The following DCC variants were observed in gnomAD, a reference collection of about 807,000 sequenced individuals.
The protein encoded by DCC is DCC netrin 1 receptor, also known as netrin receptor DCC.
DCC carries 58 observed loss-of-function variants against 172.5 expected under a neutral mutation model. The ratio of observed to expected loss-of-function variants is 0.34; its 90% CI spans 0.27 to 0.42. The LOEUF (loss-of-function observed/expected upper bound fraction) is 0.42, where lower values mean the gene tolerates loss of function less well. DCC is among the 10% of genes least tolerant of loss of function. The probability of loss-of-function intolerance (pLI) is 1.00; values close to 1 mark genes in which losing one functional copy is unlikely to be tolerated. For missense variants in DCC, 1,740 were observed against 1,791.0 expected, an observed-to-expected ratio of 0.97 and a Z score of 0.51; for synonymous variants, 709 against 644.5, an observed-to-expected ratio of 1.10 and a Z score of -1.52.
At chr18:52,655,956 A>ATGTGTG (rs58903211) in intron 1 of DCC, among the ~76,000 whole-genome samples, 34 of 135,420 alleles carry the variant, frequency 2.5e-4, no homozygotes, top group African/African-American at 9.2e-4. Flanking sequence ...TTAAATATAT[A>ATGTGTG]TGTGTGTGTG....
chr18:53,222,854 A>C (rs569007869), intron 12 of DCC, among the ~76,000 whole-genome samples: 2 of 152,282 alleles, frequency 1.3e-5, no homozygotes, highest in Admixed American at 6.5e-5. Flanking sequence ...AGCCTTTAAA[A>C]CTCTGTCAAA....
chr18:53,339,762 T>G lies in DCC; in HGVS notation c.2214T>G (p.Thr738=), dbSNP rs771958902. Residue 738 remains threonine, a synonymous_variant, in exon 15 of 29, where the codon ACT becomes ACG. Coordinates refer to ENST00000442544, the MANE Select transcript of DCC (RefSeq NM_005215.4). ...QPSSLHVRPQ[T]NCIIMSWTPP... is the part of the protein sequence containing the mutation. ...GCTCTCTTCATGTGAGGCCCCAGAC[T>G]AACTGCATCATCATGAGTTGGACTC... 1.9e-6 allele frequency: 3 copies of G among 1,613,898 alleles called. No homozygotes were observed. In the African/African-American group the frequency reaches 4.0e-5, roughly 22 times the overall value.
intron 2 of DCC, among the ~76,000 whole-genome samples, chr18:52,803,972 CA>C (rs1395378051): frequency 6.6e-6 from 1 of 152,138 alleles, no homozygotes; most frequent in Non-Finnish European, 1.5e-5. Flanking sequence ...AGTCCTTGGG[CA>C]CCAGCATGGT....
At chr18:52,999,356 C>T (rs977107335) in intron 5 of DCC, among the ~76,000 whole-genome samples, 9 of 151,962 alleles carry the variant, frequency 5.9e-5, no homozygotes, top group Admixed American at 2.0e-4. Flanking sequence ...CAAAAATGCT[C>T]TTTTTTATAC....
intron 26 of DCC, among the ~76,000 whole-genome samples, chr18:53,494,733 C>T (rs528706368): frequency 6.6e-6 from 1 of 152,292 alleles, no homozygotes; most frequent in African/African-American, 2.4e-5. Context: ...CTCCTGAATA[C>T]AGCACACTGA....
intron 2 of DCC, among the ~76,000 whole-genome samples, chr18:52,886,499 C>T (rs1026468900): frequency 2.6e-5 from 4 of 152,216 alleles, no homozygotes; most frequent in Admixed American, 2.6e-4. Context: ...CACAATTGCA[C>T]AGACTCTCTC....
In DCC at chr18:52,832,007, T is replaced by A. The variant is rs113225724; in HGVS notation, c.413-74037T>A. ...CCCTTAAACACCTCAGAATTCAGCT[T>A]CGTACCTTCTTCTACATCAGTAAAG... On this transcript the variant is annotated intron_variant, in intron 2 of 28. Transcript: ENST00000442544. Among the ~76,000 whole-genome samples the A allele has an allele frequency of 2.2e-3, 332 of 152,314 alleles. 2 individuals are homozygous for A. Among genetic ancestry groups the A allele is most frequent in the African/African-American group, 7.6e-3 (316 of 41,538 alleles).
At chr18:53,235,431 T>C (rs2056187150) in intron 12 of DCC, among the ~76,000 whole-genome samples, 1 of 152,158 alleles carries the variant, frequency 6.6e-6, no homozygotes, top group Non-Finnish European at 1.5e-5. Flanking sequence ...AAAGAACTCC[T>C]AGAAAAATAA....
At chr18:52,927,145 ATGTG>A (rs376302174) in intron 5 of DCC, among the ~76,000 whole-genome samples, 4 of 74,558 alleles carry the variant, frequency 5.4e-5, no homozygotes, top group Non-Finnish European at 9.3e-5. Flanking sequence ...ACGTGTATAT[ATGTG>A]TATATATACG....
chr18:52,801,068 A>G (rs544662832), intron 2 of DCC, among the ~76,000 whole-genome samples: 127 of 152,254 alleles, frequency 8.3e-4, no homozygotes, highest in Non-Finnish European at 1.1e-3. Flanking sequence ...TCCAAGAGTG[A>G]GAGTCTCAGT....
intron 5 of DCC, among the ~76,000 whole-genome samples, chr18:53,009,567 T>G (rs1467551684): frequency 4.4e-5 from 6 of 137,164 alleles, no homozygotes; most frequent in Non-Finnish European, 4.6e-5. Context: ...TTAGGTGACT[T>G]TTTTTTTAGG....
At chr18:52,612,209 G>A (rs2034289303) in intron 1 of DCC, among the ~76,000 whole-genome samples, 1 of 152,106 alleles carries the variant, frequency 6.6e-6, no homozygotes, top group South Asian at 2.1e-4. Flanking sequence ...CTGCTCTAGT[G>A]TCTTTGGCTC....
chr18:52,569,093 A>G (rs2033232807), intron 1 of DCC, among the ~76,000 whole-genome samples: 1 of 152,222 alleles, frequency 6.6e-6, no homozygotes, highest in Admixed American at 6.5e-5. Flanking sequence ...CTGTGTAATA[A>G]CAAGATAGAT....
chr18:52,790,240 A>C (rs1482670384), intron 2 of DCC, among the ~76,000 whole-genome samples: 1 of 152,150 alleles, frequency 6.6e-6, no homozygotes, highest in Admixed American at 6.5e-5. Flanking sequence ...GGCTGGCATG[A>C]ACAGGAGGCT....
chr18:52,754,949 G>A (rs2037056272), intron 2 of DCC, among the ~76,000 whole-genome samples: 1 of 152,168 alleles, frequency 6.6e-6, no homozygotes, highest in East Asian at 1.9e-4. Context: ...GAAAATCAAG[G>A]CTATAAAGTA....
At chr18:52,376,147 T>G (rs1225923560) in intron 1 of DCC, among the ~76,000 whole-genome samples, 1 of 152,190 alleles carries the variant, frequency 6.6e-6, no homozygotes. Flanking sequence ...AGGGTGCTGT[T>G]TATAAAATAA....
chr18:52,783,321 C>CTATTTTTTTTTTTTTTTTTTTTTTTTT (rs1568100450), intron 2 of DCC, among the ~76,000 whole-genome samples: 1 of 62,122 alleles, frequency 1.6e-5, no homozygotes, highest in Admixed American at 2.6e-4. Context: ...TATACTACTA[C>CTATTTTTTTTTTTTTTTTTTTTTTTTT]TCTTTTTTTT....
At chr18:52,831,382 T>G (rs768813540) in intron 2 of DCC, among the ~76,000 whole-genome samples, 2 of 152,130 alleles carry the variant, frequency 1.3e-5, no homozygotes, top group Non-Finnish European at 2.9e-5. Context: ...ATCAAGCACA[T>G]CGTTCTGGCT....
chr18:53,146,431 A>G (rs2043916845), intron 7 of DCC, among the ~76,000 whole-genome samples: 1 of 152,122 alleles, frequency 6.6e-6, no homozygotes, highest in Admixed American at 6.5e-5. Context: ...TGGTAGAAGG[A>G]ATGGAAGGGG....
Sources: gnomAD v4.1 joint callset for allele counts (sites outside exome capture counted in the v4.1 genomes callset) on GRCh38, gnomAD v4.1.1 for gene constraint, MANE v1.5 for transcripts, NCBI Gene and HGNC (gene_info 2026-07-23, HGNC 2026-07-21) for gene names.